The following WSB1 variants were observed in gnomAD, a reference collection of about 807,000 sequenced individuals.
WSB1 encodes WD repeat and SOCS box-containing protein 1.
Under a neutral mutation model 50.2 loss-of-function variants are expected in WSB1, and 23 were observed. The observed-to-expected ratio is 0.46, with a 90% confidence interval of 0.33 to 0.65. The LOEUF (loss-of-function observed/expected upper bound fraction) is 0.65. Among genes scored for constraint, WSB1 ranks in the 30% least tolerant of loss-of-function variants. The pLI, the probability that WSB1 is intolerant of heterozygous loss-of-function variation, is 0.02. For synonymous variants in WSB1, 179 were observed against 172.0 expected (o/e 1.04, Z -0.32); for missense variants, 492 against 522.3 (o/e 0.94, Z 0.56).
intron 7 of WSB1, among the ~76,000 whole-genome samples, chr17:27,310,681 C>G (rs1235440690): frequency 2.0e-5 from 3 of 152,240 alleles, no homozygotes; most frequent in East Asian, 3.9e-4. Flanking sequence ...TAAGGCAGCT[C>G]TTCTCTTCCC....
intron 2 of WSB1, 45 bp from the exon 3 acceptor site, chr17:27,303,322 A>G: frequency 6.3e-7 from 1 of 1,597,578 alleles, no homozygotes; most frequent in South Asian, 1.1e-5. Context: ...AGAGGAGTCC[A>G]GAGTGAATAA....
At chr17:27,304,717 AAAT>A in intron 3 of WSB1, 60 bp from the exon 4 acceptor site, 1 of 1,539,846 alleles carries the variant, frequency 6.5e-7, no homozygotes, top group African/African-American at 1.4e-5. Context: ...GTCTCAAGAA[AAAT>A]AAGAACAAAA....
Position 27,310,055 on chromosome 17 carries a change from C to T in WSB1, c.885-6C>T. 1 of 1,613,062 alleles carries T rather than the reference C, an allele frequency of 6.2e-7. No homozygotes were observed. Among genetic ancestry groups the T allele is most frequent in the Non-Finnish European group, 8.5e-7 (1 of 1,179,146 alleles). On this transcript the variant is annotated splice_polypyrimidine_tract_variant and splice_region_variant and intron_variant, in intron 6 of 8. Coordinates refer to ENST00000262394, the MANE Select transcript of WSB1 (RefSeq NM_015626.10). ...ATATCCACTGAAAACATATATTTGA[C>T]CTCAGGCACCTGTTTCCCCCACCTA... is the stretch of plus-strand genomic sequence containing the variant.
At chr17:27,302,017 T>C in intron 2 of WSB1, 61 bp downstream of exon 2, 1 of 1,461,838 alleles carries the variant, frequency 6.8e-7, no homozygotes, top group Non-Finnish European at 9.1e-7. Context: ...TTTCTCTCAG[T>C]GTAGGGTAAT....
At chr17:27,305,383 T>G (rs934714555) in intron 4 of WSB1, among the ~76,000 whole-genome samples, 2 of 152,238 alleles carry the variant, frequency 1.3e-5, no homozygotes, top group Admixed American at 6.5e-5. Context: ...TTGGCTAGGT[T>G]AAGAAGTGCT....
At chr17:27,307,282 G>GA (rs1036286406) in intron 5 of WSB1, 11 of 201,670 alleles carry the variant, frequency 5.5e-5, no homozygotes, top group East Asian at 2.7e-4. Context: ...ACATTTAACT[G>GA]AAAAAAAAGT....
rs768977031 is a variant in WSB1, at chr17:27,303,522, AAC to A, written c.367_368del (p.Gln123GlufsTer42). ...GCTTTTGGGTCATCAGTTCCAGAAA[AAC>A]AGAGTCGCTGTGTAAATATAGAATG... On this transcript the variant is annotated frameshift_variant, in exon 3 of 9. Transcript: ENST00000262394. LOFTEE classifies it high-confidence loss of function. The A allele has an allele frequency of 6.2e-7, 1 of 1,614,190 alleles. No homozygotes were observed. Among genetic ancestry groups the A allele is most frequent in the Non-Finnish European group, 8.5e-7 (1 of 1,180,032 alleles).
intron 7 of WSB1, 30 bp from the exon 8 acceptor site, chr17:27,311,479 A>G (rs780536291): frequency 1.3e-6 from 2 of 1,556,806 alleles, no homozygotes; most frequent in Non-Finnish European, 1.7e-6. Context: ...CATTTTCTAC[A>G]AGATACTAAA....
intron 1 of WSB1, among the ~76,000 whole-genome samples, chr17:27,300,468 C>T (rs1399575640): frequency 6.6e-6 from 1 of 151,956 alleles, no homozygotes; most frequent in Non-Finnish European, 1.5e-5. Flanking sequence ...GTTGATCATG[C>T]TTTTTGTTAA....
intron 1 of WSB1, among the ~76,000 whole-genome samples, chr17:27,296,437 A>G (rs1227865000): frequency 6.6e-6 from 1 of 152,034 alleles, no homozygotes; most frequent in Non-Finnish European, 1.5e-5. Flanking sequence ...GTAGCTTTTT[A>G]AATCTATGAA....
chr17:27,299,234 A>G (rs2017118858), intron 1 of WSB1, among the ~76,000 whole-genome samples: 1 of 152,304 alleles, frequency 6.6e-6, no homozygotes, highest in African/African-American at 2.4e-5. Flanking sequence ...GTATTAAGAA[A>G]GTTATGTGGC....
intron 1 of WSB1, among the ~76,000 whole-genome samples, chr17:27,300,579 T>C (rs1030743120): frequency 2.6e-5 from 4 of 152,202 alleles, no homozygotes; most frequent in African/African-American, 9.7e-5. Flanking sequence ...ACATTGTCCA[T>C]TTTTTGTCCT....
At chr17:27,302,410 CAAA>C (rs199646039) in intron 2 of WSB1, 5 of 56,444 alleles carry the variant, frequency 8.9e-5, no homozygotes, top group South Asian at 1.2e-3. Flanking sequence ...AATAATGTCT[CAAA>C]AAAAAAAAAA....
intron 1 of WSB1, among the ~76,000 whole-genome samples, chr17:27,298,649 G>A (rs990639754): frequency 3.3e-5 from 5 of 151,978 alleles, no homozygotes; most frequent in Admixed American, 6.6e-5. Flanking sequence ...TCAGTAGTTC[G>A]AGACCAGCCT....
chr17:27,304,931 T>G lies in WSB1; in HGVS notation c.610+20T>G. On this transcript the variant is annotated intron_variant, in intron 4 of 8. Transcript: ENST00000262394. ...ATGATGGTATGTCTTTTTTCCAAGC[T>G]ATGAACTAGGATTTGTTTCTTGATA... The G allele has an allele frequency of 6.2e-7, 1 of 1,613,188 alleles. No homozygotes were observed. The highest frequency in any genetic ancestry group is 8.5e-7 in the Non-Finnish European group (1 of 1,179,440).
intron 7 of WSB1, 42 bp downstream of exon 7, chr17:27,310,216 T>A: frequency 6.3e-7 from 1 of 1,576,538 alleles, no homozygotes; most frequent in Non-Finnish European, 8.7e-7. Context: ...ACTATTACCT[T>A]TTACATTCTT....
Position 27,312,543 on chromosome 17 carries a change from G to T in WSB1, c.*174G>T. On this transcript the variant is annotated 3_prime_UTR_variant, in exon 9 of 9. Transcript: ENST00000262394. ...TTTAAAATATTATTTATAGACAATA[G>T]AAGTATTTCTGAACATATCAAATAT... is the stretch of plus-strand genomic sequence containing the variant. 1.2e-6 allele frequency: 1 copy of T among 812,834 alleles called. No homozygotes were observed. Among genetic ancestry groups the T allele is most frequent in the Non-Finnish European group, 1.8e-6 (1 of 547,258 alleles). The allele number at this position is 812,834 out of a possible 1,614,324, so 50.4% of individuals were successfully genotyped here.
At chr17:27,297,290 C>T (rs1249216371) in intron 1 of WSB1, 4 of 152,070 alleles carry the variant, frequency 2.6e-5, no homozygotes, top group Non-Finnish European at 4.4e-5. Context: ...CTCACCCTCC[C>T]GAGTAGCTGG....
At chr17:27,309,326 A>G (rs563301888) in intron 6 of WSB1, 54 bp downstream of exon 6, 1 of 1,357,086 alleles carries the variant, frequency 7.4e-7, no homozygotes, top group Non-Finnish European at 9.9e-7. Context: ...CTATCAAGTT[A>G]TGTGAATAAT....
Sources: gnomAD v4.1 joint callset for allele counts (sites outside exome capture counted in the v4.1 genomes callset) on GRCh38, gnomAD v4.1.1 for gene constraint, MANE v1.5 for transcripts, NCBI Gene and HGNC (gene_info 2026-07-23, HGNC 2026-07-21) for gene names.